The following MAGI2 variants were observed in gnomAD, a reference collection of about 807,000 sequenced individuals.
MAGI2 encodes the protein membrane-associated guanylate kinase, WW and PDZ domain-containing protein 2.
A neutral mutation model predicts 133.3 loss-of-function variants in MAGI2; 35 were observed. That is an observed-to-expected ratio of 0.26 (90% confidence interval 0.20 to 0.35). The LOEUF (loss-of-function observed/expected upper bound fraction) is 0.35. Ranked by LOEUF, MAGI2 falls within the 10% of genes least tolerant of loss-of-function variation. The pLI, the probability that MAGI2 is intolerant of heterozygous loss-of-function variation, is 1.00. For missense variants in MAGI2, 1,636 were observed against 1,863.4 expected, an observed-to-expected ratio of 0.88 and a Z score of 2.25; for synonymous variants, 729 against 710.6, an observed-to-expected ratio of 1.03 and a Z score of -0.41.
chr7:78,814,984 T>A (rs1454067816), intron 2 of MAGI2, among the ~76,000 whole-genome samples: 4 of 152,154 alleles, frequency 2.6e-5, no homozygotes, highest in Non-Finnish European at 5.9e-5. Flanking sequence ...TACTTCAGCA[T>A]CCTAAACTAC....
chr7:78,555,273 G>GT (rs1211827044), intron 3 of MAGI2, among the ~76,000 whole-genome samples: 2 of 152,080 alleles, frequency 1.3e-5, no homozygotes, highest in Non-Finnish European at 2.9e-5. Flanking sequence ...TTGGGACTTT[G>GT]TTTCCTTATG....
At chr7:78,078,629 A>G in intron 21 of MAGI2, 1 of 478,614 alleles carries the variant, frequency 2.1e-6, no homozygotes, top group East Asian at 3.6e-5. Flanking sequence ...GTCAAATTGT[A>G]ACAGTTCTAA....
intron 2 of MAGI2, among the ~76,000 whole-genome samples, chr7:78,732,228 G>T (rs1585225192): frequency 6.6e-6 from 1 of 152,144 alleles, no homozygotes; most frequent in African/African-American, 2.4e-5. Context: ...TATCTCCCAA[G>T]AATTCAGCTT....
intron 1 of MAGI2, among the ~76,000 whole-genome samples, chr7:79,452,626 C>T (rs1413320150): frequency 6.6e-6 from 1 of 151,970 alleles, no homozygotes; most frequent in Non-Finnish European, 1.5e-5. Flanking sequence ...GAAGTTGCTC[C>T]TTCCTTCTTT....
rs140601562 is a variant in MAGI2, at chr7:79,260,227, G to A, written c.301+192793C>T. 2.0e-3 allele frequency among the ~76,000 whole-genome samples: 298 copies of A among 152,134 alleles called. 1 individual carries two copies. The highest frequency in any genetic ancestry group is 6.3e-3 in the African/African-American group (261 of 41,512). The stretch of plus-strand genomic sequence containing the variant: ...GAAAATTAGTCATGCATGGTGGCGC[G>A]CTCCTGGGGTCCCAGCTACTTGGGA... On this transcript the variant is annotated intron_variant, in intron 1 of 21. Transcript: ENST00000354212.
rs180921936 is a variant in MAGI2 at position 79,253,205 on chromosome 7, A to C, written c.301+199815T>G. 2.0e-5 allele frequency among the ~76,000 whole-genome samples: 3 copies of C among 152,284 alleles called. No homozygotes were observed. In the East Asian group the frequency reaches 5.8e-4, roughly 29 times the overall value. ...TTTTTAAAATATCATGTATATTCCT[A>C]TATTATATGTTTCCCTGACTACTAT... On this transcript the variant is annotated intron_variant, in intron 1 of 21. Transcript: ENST00000354212.
At chr7:78,821,213 T>C (rs1377610131) in intron 2 of MAGI2, among the ~76,000 whole-genome samples, 1 of 152,068 alleles carries the variant, frequency 6.6e-6, no homozygotes, top group African/African-American at 2.4e-5. Context: ...CTATGAGATA[T>C]GTTACGAAGA....
intron 3 of MAGI2, among the ~76,000 whole-genome samples, chr7:78,612,010 TTTG>T (rs1163865510): frequency 3.9e-5 from 6 of 152,206 alleles, no homozygotes; most frequent in Non-Finnish European, 5.9e-5. Context: ...CCACTGTTAT[TTTG>T]TTATTTTGAG....
intron 1 of MAGI2, chr7:79,410,689 G>C (rs1846085244): frequency 6.6e-6 from 1 of 151,968 alleles, no homozygotes; most frequent in South Asian, 2.1e-4. Flanking sequence ...CACTCAAATA[G>C]GTTTATTTGT....
chr7:78,967,336 A>G (rs528720349), intron 2 of MAGI2, among the ~76,000 whole-genome samples: 2 of 152,134 alleles, frequency 1.3e-5, no homozygotes, highest in South Asian at 2.1e-4. Context: ...AGTTCTTTAC[A>G]TACTTTCAAT....
At chr7:78,926,705 T>C (rs771376710) in intron 2 of MAGI2, among the ~76,000 whole-genome samples, 1 of 152,002 alleles carries the variant, frequency 6.6e-6, no homozygotes, top group Non-Finnish European at 1.5e-5. Flanking sequence ...GAAAATAAAC[T>C]AAGAAATGAG....
chr7:79,175,384 C>A (rs1024279891), intron 1 of MAGI2, among the ~76,000 whole-genome samples: 2 of 151,776 alleles, frequency 1.3e-5, no homozygotes, highest in East Asian at 1.9e-4. Context: ...AACAAAACAA[C>A]CTCTCTGTTG....
chr7:78,383,016 G>A (rs1400492083), intron 6 of MAGI2, among the ~76,000 whole-genome samples: 1 of 152,018 alleles, frequency 6.6e-6, no homozygotes, highest in Non-Finnish European at 1.5e-5. Flanking sequence ...ATCTGTTAAT[G>A]AACACTTAGG....
At chr7:79,332,262 G>T (rs574062737) in intron 1 of MAGI2, among the ~76,000 whole-genome samples, 1 of 152,264 alleles carries the variant, frequency 6.6e-6, no homozygotes, top group Admixed American at 6.5e-5. Context: ...CTGTTAATGT[G>T]GTCTTCCTGA....
At chr7:78,774,453 TTCTC>T (rs1825825644) in intron 2 of MAGI2, among the ~76,000 whole-genome samples, 1 of 152,128 alleles carries the variant, frequency 6.6e-6, no homozygotes, top group Non-Finnish European at 1.5e-5. Flanking sequence ...AAGAATCCTC[TTCTC>T]TCTCTCAGTG....
intron 3 of MAGI2, among the ~76,000 whole-genome samples, chr7:78,610,936 G>C (rs897338037): frequency 6.6e-6 from 1 of 152,202 alleles, no homozygotes; most frequent in Non-Finnish European, 1.5e-5. Flanking sequence ...CACAGACTAT[G>C]TGTCAAAGAA....
chr7:78,343,716 T>TCAG, intron 9 of MAGI2, 62 bp downstream of exon 9: 1 of 1,291,534 alleles, frequency 7.7e-7, no homozygotes, highest in Non-Finnish European at 1.0e-6. Context: ...AGAAGCTCCT[T>TCAG]ATATTTGCCT....
At chr7:78,550,679 GT>G (rs1799257193) in intron 3 of MAGI2, among the ~76,000 whole-genome samples, 1 of 151,782 alleles carries the variant, frequency 6.6e-6, no homozygotes, top group Admixed American at 6.6e-5. Context: ...CCTTGATACT[GT>G]TTTTTACATT....
At chr7:78,405,543 CA>C (rs1269653691) in intron 6 of MAGI2, among the ~76,000 whole-genome samples, 2 of 152,076 alleles carry the variant, frequency 1.3e-5, no homozygotes, top group African/African-American at 4.8e-5. Context: ...TTGTATACTA[CA>C]TGTGTCAAGA....
Sources: allele counts gnomAD v4.1 joint callset (sites outside exome capture counted in the v4.1 genomes callset), GRCh38; gene constraint gnomAD v4.1.1; transcripts MANE v1.5; gene names NCBI Gene and HGNC (gene_info 2026-07-23, HGNC 2026-07-21).